SLC9D1: variants seen among roughly 807,000 people sequenced by gnomAD.
SLC9D1 encodes the protein solute carrier family 9 member D1.
the SLC9D1 span, among the ~76,000 whole-genome samples, chr13:113,521,558 A>G: frequency 0.23 from 35,205 of 151,662 alleles, 5,043 homozygotes; most frequent in African/African-American, 0.38. Context: ...TGTGGTGTGT[A>G]TGCGTGTAGG....
the SLC9D1 span, among the ~76,000 whole-genome samples, chr13:113,508,199 A>G: frequency 2.0e-5 from 3 of 152,246 alleles, no homozygotes; most frequent in African/African-American, 7.2e-5. Flanking sequence ...ATGACCTCAG[A>G]GATAACAGAG....
the SLC9D1 span, among the ~76,000 whole-genome samples, chr13:113,535,468 G>A: frequency 3.3e-5 from 5 of 152,190 alleles, no homozygotes; most frequent in African/African-American, 1.2e-4. The surrounding 1 kb of genome is among the most constrained non-coding windows in gnomAD (Gnocchi z 4.1). Context: ...GTTTATCCCA[G>A]AGAAATGAAG....
At chr13:113,525,388 G>A in the SLC9D1 span, among the ~76,000 whole-genome samples, 1 of 152,162 alleles carries the variant, frequency 6.6e-6, no homozygotes, top group African/African-American at 2.4e-5. Context: ...CACCCAATTA[G>A]GCATGGTACG....
chr13:113,549,839 A>G, the SLC9D1 span: 1 of 578,734 alleles, frequency 1.7e-6, no homozygotes. Context: ...TGAAATTATT[A>G]TTAATTTTCT....
chr13:113,548,477 G>A, the SLC9D1 span: 71 of 1,590,508 alleles, frequency 4.5e-5, no homozygotes, highest in African/African-American at 6.8e-5. Flanking sequence ...CCCGCGGAGC[G>A]CTTCTCGGGC....
the SLC9D1 span, among the ~76,000 whole-genome samples, chr13:113,513,931 A>G: frequency 6.6e-6 from 1 of 152,224 alleles, no homozygotes; most frequent in African/African-American, 2.4e-5. Context: ...TAGCAGCACC[A>G]CAGGCTGAGA....
the SLC9D1 span, among the ~76,000 whole-genome samples, chr13:113,492,890 C>T: frequency 1.3e-5 from 2 of 152,238 alleles, 1 homozygote; most frequent in African/African-American, 4.8e-5. Flanking sequence ...AAGAGCAAAA[C>T]TCCGTCTCAA....
chr13:113,518,495 G>A, the SLC9D1 span, among the ~76,000 whole-genome samples: 2 of 152,206 alleles, frequency 1.3e-5, no homozygotes, highest in African/African-American at 2.4e-5. Flanking sequence ...ATCATCAAAG[G>A]CTATCTCTAA....
chr13:113,498,281 A>G, the SLC9D1 span: 1 of 1,273,548 alleles, frequency 7.9e-7, no homozygotes, highest in Non-Finnish European at 1.1e-6. Flanking sequence ...ATTGATTAAG[A>G]AAGTCATGTC....
At chr13:113,542,742 G>C in the SLC9D1 span, among the ~76,000 whole-genome samples, 2 of 152,098 alleles carry the variant, frequency 1.3e-5, no homozygotes, top group African/African-American at 4.8e-5. Flanking sequence ...TCAGCACAGG[G>C]TCTGAGATGC....
chr13:113,514,272 C>T, the SLC9D1 span: 3 of 152,082 alleles, frequency 2.0e-5, no homozygotes, highest in Non-Finnish European at 4.4e-5. Context: ...AAGACATTTC[C>T]TATAGTTATT....
chr13:113,544,724 C>T, the SLC9D1 span, among the ~76,000 whole-genome samples: 1 of 152,250 alleles, frequency 6.6e-6, no homozygotes, highest in Non-Finnish European at 1.5e-5. Context: ...ATCCGTGGCT[C>T]AGCCGCCATG....
chr13:113,544,452 G>T, the SLC9D1 span, among the ~76,000 whole-genome samples: 2 of 152,260 alleles, frequency 1.3e-5, no homozygotes, highest in African/African-American at 4.8e-5. Context: ...CTAGATGAGG[G>T]TTCGCCAGCT....
At chr13:113,544,398 G>A in the SLC9D1 span, among the ~76,000 whole-genome samples, 1 of 152,146 alleles carries the variant, frequency 6.6e-6, no homozygotes, top group East Asian at 1.9e-4. Flanking sequence ...ACGGCACGTG[G>A]CAGTGTGGCT....
chr13:113,523,290 G>C, the SLC9D1 span, among the ~76,000 whole-genome samples: 2 of 152,148 alleles, frequency 1.3e-5, no homozygotes, highest in Non-Finnish European at 2.9e-5. Context: ...TGGGTCATGA[G>C]ATTTCCTTTT....
At chr13:113,506,881 A>G in the SLC9D1 span, among the ~76,000 whole-genome samples, 3 of 152,136 alleles carry the variant, frequency 2.0e-5, no homozygotes, top group African/African-American at 4.8e-5. Flanking sequence ...GCTGTCGTCT[A>G]ATGGTGCTTC....
chr13:113,538,203 G>T, the SLC9D1 span, among the ~76,000 whole-genome samples: 2 of 146,444 alleles, frequency 1.4e-5, no homozygotes. Flanking sequence ...ACGTGTGTGT[G>T]GCATGTGTGC....
the SLC9D1 span, among the ~76,000 whole-genome samples, chr13:113,501,450 A>C: frequency 2.6e-5 from 4 of 152,354 alleles, no homozygotes; most frequent in East Asian, 7.7e-4. Context: ...AGACTTGAGC[A>C]TCCGAGGATT....
At chr13:113,532,155 C>T in the SLC9D1 span, among the ~76,000 whole-genome samples, 1 of 152,194 alleles carries the variant, frequency 6.6e-6, no homozygotes, top group Non-Finnish European at 1.5e-5. Context: ...CAGCAGAGGA[C>T]GTTCCCCATG....
Sources: allele counts gnomAD v4.1 joint callset (sites outside exome capture counted in the v4.1 genomes callset), GRCh38; gene constraint gnomAD v4.1.1; non-coding constraint Gnocchi (gnomAD v3.1); transcripts MANE v1.5; gene names NCBI Gene and HGNC (gene_info 2026-07-23, HGNC 2026-07-21).